Variants in LRMDA observed in about 807,000 individuals in gnomAD.
The protein encoded by LRMDA is leucine-rich melanocyte differentiation-associated protein.
A neutral mutation model predicts 29.8 loss-of-function variants in LRMDA; 18 were observed. That is an observed-to-expected ratio of 0.60 (90% CI 0.42 to 0.90). The LOEUF (loss-of-function observed/expected upper bound fraction) is 0.90. Ranked by LOEUF, LRMDA falls within the 40% of genes least tolerant of loss-of-function variation. The pLI is 0.00. For missense variants in LRMDA, 273 were observed against 273.9 expected (o/e 1.00, Z 0.02); for synonymous variants, 125 against 109.4 (o/e 1.14, Z -0.89).
chr10:76,052,137 T>A (rs1045897085), intron 4 of LRMDA, among the ~76,000 whole-genome samples: 1 of 152,160 alleles, frequency 6.6e-6, no homozygotes, highest in Non-Finnish European at 1.5e-5. Context: ...CCTTCAGGGG[T>A]CTCAGGTAGC....
In LRMDA at chr10:75,618,454, A is replaced by T. The variant is rs972900471; in HGVS notation, c.131+179960A>T. On this transcript the variant is annotated intron_variant, in intron 2 of 6. Coordinates refer to ENST00000611255, the MANE Select transcript of LRMDA (RefSeq NM_001305581.2). The stretch of plus-strand genomic sequence containing the variant: ...ATATATGTATACCAACTATATATAT[A>T]AACTATATATATATCAACCATATAT... Among the ~76,000 whole-genome samples, 20 of 146,492 alleles carry T rather than the reference A, an allele frequency of 1.4e-4. No individual in the cohort carries two copies. In the East Asian group the frequency reaches 1.6e-3, roughly 11 times the overall value.
intron 6 of LRMDA, among the ~76,000 whole-genome samples, chr10:76,421,131 C>G (rs547236992): frequency 6.6e-6 from 1 of 152,212 alleles, no homozygotes; most frequent in South Asian, 2.1e-4. Context: ...TATGCTAAAA[C>G]CTCCCACTAT....
intron 6 of LRMDA, among the ~76,000 whole-genome samples, chr10:76,347,158 T>C (rs1841118694): frequency 6.6e-6 from 1 of 152,232 alleles, no homozygotes; most frequent in East Asian, 1.9e-4. Flanking sequence ...CTTTATTAAT[T>C]GATCTGCATG....
At chr10:76,041,152 A>G (rs1848332695) in intron 3 of LRMDA, among the ~76,000 whole-genome samples, 2 of 152,358 alleles carry the variant, frequency 1.3e-5, no homozygotes, top group Non-Finnish European at 2.9e-5. Context: ...AGACTTTACA[A>G]TTTCTTGGCA....
chr10:76,010,429 C>T (rs890149643), intron 2 of LRMDA, among the ~76,000 whole-genome samples: 22 of 151,786 alleles, frequency 1.4e-4, no homozygotes, highest in African/African-American at 5.1e-4. Context: ...TCTCCTGCCT[C>T]AGCCTCCTGA....
rs189710720 is a variant in LRMDA at position 75,604,342 on chromosome 10, A to G, written c.131+165848A>G. On this transcript the variant is annotated intron_variant, in intron 2 of 6. Coordinates refer to ENST00000611255, the MANE Select transcript of LRMDA (RefSeq NM_001305581.2). ...GGTGAAATATAGTGAAAGATATGAAATTCTAGGAGTATTAGTGTGGGGCCA... is the reference window on the plus strand; with the variant it reads ...GGTGAAATATAGTGAAAGATATGAAGTTCTAGGAGTATTAGTGTGGGGCCA... Among the ~76,000 whole-genome samples, 11 of 152,298 alleles carry G rather than the reference A, an allele frequency of 7.2e-5. No homozygotes were observed. The East Asian group carries it at 1.3e-3, about 19-fold the overall frequency.
chr10:75,641,984 C>T (rs1051711310), intron 2 of LRMDA, among the ~76,000 whole-genome samples: 2 of 152,176 alleles, frequency 1.3e-5, no homozygotes, highest in Non-Finnish European at 2.9e-5. Flanking sequence ...GTATTGTACT[C>T]ATAACTCCTC....
chr10:75,493,522 C>A (rs952914469), intron 2 of LRMDA, among the ~76,000 whole-genome samples: 1 of 152,064 alleles, frequency 6.6e-6, no homozygotes, highest in African/African-American at 2.4e-5. Flanking sequence ...TCTGAAGCTA[C>A]CCTTCTGAAG....
At chr10:76,557,108 A>G in intron 6 of LRMDA, 101 bp from the exon 7 acceptor site, 1 of 922,082 alleles carries the variant, frequency 1.1e-6, no homozygotes, top group Non-Finnish European at 1.8e-6. Context: ...TCTGCTGCCC[A>G]TTGGATCTAT....
intron 2 of LRMDA, among the ~76,000 whole-genome samples, chr10:75,982,637 A>G (rs1248460317): frequency 6.6e-6 from 1 of 152,232 alleles, no homozygotes; most frequent in African/African-American, 2.4e-5. Flanking sequence ...TTTGTTATCT[A>G]AAAGATAGTG....
intron 2 of LRMDA, among the ~76,000 whole-genome samples, chr10:75,692,237 T>A (rs1379428868): frequency 7.2e-6 from 1 of 138,862 alleles, no homozygotes; most frequent in South Asian, 2.3e-4. Context: ...TATATATATA[T>A]ATATATATAT....
At chr10:76,506,324 C>T (rs1842958951) in intron 6 of LRMDA, among the ~76,000 whole-genome samples, 1 of 152,058 alleles carries the variant, frequency 6.6e-6, no homozygotes, top group African/African-American at 2.4e-5. Context: ...AGTTAGCCTT[C>T]ATGTCTTCAG....
chr10:75,880,852 A>G (rs1365370253), intron 2 of LRMDA, among the ~76,000 whole-genome samples: 13 of 152,226 alleles, frequency 8.5e-5, no homozygotes, highest in Admixed American at 8.5e-4. Context: ...TTGGTGTAGG[A>G]GTACTTCCAG....
chr10:76,476,476 G>A (rs1265737759), intron 6 of LRMDA, among the ~76,000 whole-genome samples: 2 of 152,122 alleles, frequency 1.3e-5, no homozygotes, highest in East Asian at 1.9e-4. Context: ...GAGTTACAAG[G>A]AGGAGCTGGT....
intron 5 of LRMDA, among the ~76,000 whole-genome samples, chr10:76,193,165 A>G (rs1851276623): frequency 6.6e-6 from 1 of 152,192 alleles, no homozygotes; most frequent in Admixed American, 6.5e-5. Flanking sequence ...CTGTTCCTGC[A>G]AAGTCAGGCC....
chr10:75,698,121 C>A (rs904659507), intron 2 of LRMDA, among the ~76,000 whole-genome samples: 1 of 152,196 alleles, frequency 6.6e-6, no homozygotes, highest in Non-Finnish European at 1.5e-5. Context: ...CAAATCCAGG[C>A]AGTCTGGCCT....
At chr10:76,137,123 G>C (rs936263731) in intron 5 of LRMDA, among the ~76,000 whole-genome samples, 1 of 152,100 alleles carries the variant, frequency 6.6e-6, no homozygotes, top group Non-Finnish European at 1.5e-5. Flanking sequence ...TGATACTACC[G>C]ACCCTTCCTT....
intron 2 of LRMDA, among the ~76,000 whole-genome samples, chr10:75,896,731 G>A (rs368206330): frequency 5.1e-4 from 78 of 152,192 alleles, no homozygotes; most frequent in African/African-American, 1.7e-3. Context: ...CAGCCTCCTC[G>A]TTTAATATTT....
At chr10:76,213,083 G>A (rs1851665535) in intron 5 of LRMDA, among the ~76,000 whole-genome samples, 2 of 152,202 alleles carry the variant, frequency 1.3e-5, no homozygotes, top group African/African-American at 4.8e-5. Flanking sequence ...TTGAGCATAT[G>A]TGATCTTCAG....
Sources: allele counts gnomAD v4.1 joint callset (sites outside exome capture counted in the v4.1 genomes callset), GRCh38; gene constraint gnomAD v4.1.1; transcripts MANE v1.5; gene names NCBI Gene and HGNC (gene_info 2026-07-23, HGNC 2026-07-21).